Variants in UGGT2 observed in about 807,000 individuals in gnomAD.
The protein encoded by UGGT2 is UDP-glucose:glycoprotein glucosyltransferase 2.
UGGT2 carries 180 observed loss-of-function variants against 192.1 expected under a neutral mutation model. The observed-to-expected ratio is 0.94, with a 90% CI of 0.83 to 1.06. The LOEUF (loss-of-function observed/expected upper bound fraction) is 1.06. UGGT2 is among the 50% of genes least tolerant of loss of function. The pLI is 0.00. For synonymous variants in UGGT2, 580 were observed against 591.0 expected (o/e 0.98, Z 0.27); for missense variants, 1,849 against 1,795.7 (o/e 1.03, Z -0.54).
chr13:96,023,613 G>C lies in UGGT2; in HGVS notation c.372+16C>G. On this transcript the variant is annotated intron_variant, in intron 3 of 38. Coordinates refer to ENST00000376747, the MANE Select transcript of UGGT2 (RefSeq NM_020121.4). ...CGTGCCTCTTTGTCAAATACAGATT[G>C]GGTATTTTTACGCACCTGCTGAAAC... 1 of 1,600,302 alleles carries C rather than the reference G, an allele frequency of 6.2e-7. No homozygotes were observed. The highest frequency in any genetic ancestry group is 8.5e-7 in the Non-Finnish European group (1 of 1,172,908).
In UGGT2 at chr13:95,902,850, T is replaced by A; in HGVS notation, c.2502+4A>T. 4 of 1,610,708 alleles carry A rather than the reference T, an allele frequency of 2.5e-6. No individual in the cohort carries two copies. The highest frequency in any genetic ancestry group is 1.3e-5 in the African/African-American group (1 of 74,888). ...CATATTTAATATTTCAAATAGCTAC[T>A]GACCTCAATAAGGAATGTTTTAATT... On this transcript the variant is annotated splice_donor_region_variant and intron_variant, in intron 21 of 38. Transcript: ENST00000376747.
At position 95,884,490 on chromosome 13, in the gene UGGT2, C is replaced by G; in HGVS notation, c.3228+1G>C. On this transcript the variant is annotated splice_donor_variant, in intron 27 of 38. Coordinates refer to ENST00000376747, the MANE Select transcript of UGGT2 (RefSeq NM_020121.4). LOFTEE classifies it high-confidence loss of function. ...TTATATGACTATACACAATAACTTA[C>G]ATCCTTTAAGTGAATATTATCAAGG... is the stretch of plus-strand genomic sequence containing the variant. 6.2e-7 allele frequency: 1 copy of G among 1,605,604 alleles called. No homozygotes were observed.
At chr13:95,911,334 C>CTAGCAAGA (rs1271161443) in intron 20 of UGGT2, among the ~76,000 whole-genome samples, 5 of 152,220 alleles carry the variant, frequency 3.3e-5, no homozygotes, top group Admixed American at 2.0e-4. Flanking sequence ...TGATAGACTG[C>CTAGCAAGA]TAGCAAGACT....
At chr13:95,947,203 T>C (rs182729088) in intron 14 of UGGT2, 31 bp from the exon 15 acceptor site, 4 of 1,546,706 alleles carry the variant, frequency 2.6e-6, no homozygotes, top group South Asian at 2.5e-5. Flanking sequence ...AGGACTGTTA[T>C]AATTACCTCT....
rs576535677 is a variant in UGGT2 at position 95,846,293 on chromosome 13, C to T, written c.4284+7250G>A. Among the ~76,000 whole-genome samples, 320 of 152,208 alleles carry T rather than the reference C, an allele frequency of 2.1e-3. 1 individual carries two copies. Among genetic ancestry groups the T allele is most frequent in the African/African-American group, 7.4e-3 (306 of 41,538 alleles). On this transcript the variant is annotated intron_variant, in intron 36 of 38. Transcript: ENST00000376747. ...TATGAAAACCAGTCAGGCGTGGCAG[C>T]GCGCGCCTGCAATCCCAGGCACTCG...
In UGGT2 at chr13:96,048,033, G is replaced by A. The variant is rs191377536; in HGVS notation, c.158+5122C>T. Among the ~76,000 whole-genome samples the A allele has an allele frequency of 6.1e-3, 933 of 152,132 alleles. 5 individuals carry two copies. The highest frequency in any genetic ancestry group is 0.012 in the African/African-American group (486 of 41,514). ...TCCACCCCAAATCAACAGAATATAC[G>A]TTCTTCTCAGCACCACACCGCACTT... is the stretch of plus-strand genomic sequence containing the variant. On this transcript the variant is annotated intron_variant, in intron 1 of 38. Transcript: ENST00000376747.
At chr13:96,046,661 G>A (rs774410674) in intron 1 of UGGT2, among the ~76,000 whole-genome samples, 9 of 152,212 alleles carry the variant, frequency 5.9e-5, no homozygotes, top group Admixed American at 1.3e-4. Flanking sequence ...GAGCCGAAGC[G>A]GGGCAAGGCA....
intron 9 of UGGT2, among the ~76,000 whole-genome samples, chr13:95,984,220 T>C (rs2051219763): frequency 6.6e-6 from 1 of 152,214 alleles, no homozygotes; most frequent in South Asian, 2.1e-4. Flanking sequence ...TGAATATACG[T>C]ACATGAAGAA....
intron 19 of UGGT2, among the ~76,000 whole-genome samples, chr13:95,926,350 A>G (rs1331399818): frequency 6.6e-6 from 1 of 152,140 alleles, no homozygotes; most frequent in Non-Finnish European, 1.5e-5. Flanking sequence ...CCCTTACAAC[A>G]TAGTTCATTC....
intron 1 of UGGT2, among the ~76,000 whole-genome samples, chr13:96,043,582 G>A (rs1014355826): frequency 3.9e-5 from 6 of 152,106 alleles, no homozygotes; most frequent in African/African-American, 1.4e-4. Flanking sequence ...ACTGCAGAAT[G>A]GATAAGAATT....
chr13:95,848,593 A>G (rs766888547), intron 36 of UGGT2, among the ~76,000 whole-genome samples: 23 of 152,056 alleles, frequency 1.5e-4, no homozygotes, highest in Non-Finnish European at 2.9e-4. Context: ...GGGTGACTAT[A>G]TTTATGTGGA....
At chr13:95,971,549 C>CGTG (rs2050773315) in intron 11 of UGGT2, among the ~76,000 whole-genome samples, 1 of 152,022 alleles carries the variant, frequency 6.6e-6, no homozygotes, top group African/African-American at 2.4e-5. Flanking sequence ...ATATTCCTGC[C>CGTG]ATAAAAATTT....
intron 20 of UGGT2, 25 bp from the exon 21 acceptor site, chr13:95,903,085 A>G (rs1476613673): frequency 6.3e-7 from 1 of 1,593,614 alleles, no homozygotes; most frequent in East Asian, 2.2e-5. Context: ...ATAGATTAAA[A>G]AGACCAGTAT....
intron 2 of UGGT2, among the ~76,000 whole-genome samples, chr13:96,026,739 T>C (rs1005238329): frequency 6.9e-6 from 1 of 144,642 alleles, no homozygotes; most frequent in Admixed American, 7.2e-5. Flanking sequence ...TGGCGCAATC[T>C]CGGCTCACTG....
chr13:95,919,305 C>T (rs576200818), intron 20 of UGGT2, among the ~76,000 whole-genome samples: 12 of 152,206 alleles, frequency 7.9e-5, no homozygotes, highest in Admixed American at 3.9e-4. Context: ...TGAAAACTGG[C>T]GCAAGACAAG....
rs148159616 is a variant in UGGT2, at chr13:96,015,897, G to A, written c.486-2416C>T. 8.3e-4 allele frequency among the ~76,000 whole-genome samples: 126 copies of A among 152,112 alleles called. No homozygotes were observed. In the East Asian group the frequency reaches 0.02, roughly 24 times the overall value. ...GAAACTTATTTATTCATTTCATTAC[G>A]GTATCACTCACTCAATATTTTTCAG... is the stretch of plus-strand genomic sequence containing the variant. On this transcript the variant is annotated intron_variant, in intron 4 of 38. Transcript: ENST00000376747.
chr13:95,985,704 T>C (rs1318758709), intron 9 of UGGT2, among the ~76,000 whole-genome samples: 1 of 152,170 alleles, frequency 6.6e-6, no homozygotes, highest in African/African-American at 2.4e-5. Flanking sequence ...TACAATTGCA[T>C]CAAAGTTGTG....
intron 8 of UGGT2, among the ~76,000 whole-genome samples, chr13:95,989,077 G>A (rs1408471172): frequency 6.6e-6 from 1 of 152,040 alleles, no homozygotes; most frequent in African/African-American, 2.4e-5. Context: ...GCTAATGAGG[G>A]TGTTAGTTTT....
chr13:95,876,419 G>A (rs1891683653), intron 29 of UGGT2, among the ~76,000 whole-genome samples: 1 of 152,174 alleles, frequency 6.6e-6, no homozygotes, highest in African/African-American at 2.4e-5. Flanking sequence ...AGGCCTGGTG[G>A]TTGGACAGGC....
Sources: allele counts gnomAD v4.1 joint callset (sites outside exome capture counted in the v4.1 genomes callset), GRCh38; gene constraint gnomAD v4.1.1; transcripts MANE v1.5; gene names NCBI Gene and HGNC (gene_info 2026-07-23, HGNC 2026-07-21).